Variants in CNTNAP2 observed in about 807,000 individuals in gnomAD.
CNTNAP2 encodes contactin-associated protein-like 2.
Under a neutral mutation model 155.2 loss-of-function variants are expected in CNTNAP2, and 98 were observed. That is an observed-to-expected ratio of 0.63 (90% CI 0.54 to 0.75). CNTNAP2 has a LOEUF of 0.75. Among genes scored for constraint, CNTNAP2 ranks in the 30% least tolerant of loss-of-function variants. The pLI is 0.00. For missense variants in CNTNAP2, 1,727 were observed against 1,688.1 expected (o/e 1.02, Z -0.40); for synonymous variants, 651 against 631.2 (o/e 1.03, Z -0.47).
At chr7:146,770,358 A>G (rs1802273220) in intron 1 of CNTNAP2, among the ~76,000 whole-genome samples, 1 of 151,898 alleles carries the variant, frequency 6.6e-6, no homozygotes, top group South Asian at 2.1e-4. Flanking sequence ...ACATATACAT[A>G]TAATCTGCCT....
At chr7:147,000,688 T>C (rs552878584) in intron 3 of CNTNAP2, among the ~76,000 whole-genome samples, 12 of 152,246 alleles carry the variant, frequency 7.9e-5, no homozygotes, top group Middle Eastern at 3.4e-3. Context: ...ATACAGAGCC[T>C]GCCACAATGC....
rs554024342 is a variant in CNTNAP2, at chr7:147,658,233, G to C, written c.2098+18927G>C. 4.5e-5 allele frequency among the ~76,000 whole-genome samples: 5 copies of C among 111,464 alleles called. 1 individual carries two copies. Among genetic ancestry groups the C allele is most frequent in the Admixed American group, 3.5e-4 (3 of 8,586 alleles). The allele number at this position is 111,464 out of a possible 152,430, so 73.1% of individuals were successfully genotyped here. A position where few individuals can be genotyped will look rare whatever the true frequency, so the allele number is the denominator to read the frequency against. On this transcript the variant is annotated intron_variant, in intron 13 of 23. Transcript: ENST00000361727. ...GATCCCGCCACTGCACTCCAGCCTGGGAGACAGAGCGAGACTCCGTCCCAA... is the reference window on the plus strand; with the variant it reads ...GATCCCGCCACTGCACTCCAGCCTGCGAGACAGAGCGAGACTCCGTCCCAA...
intron 14 of CNTNAP2, among the ~76,000 whole-genome samples, chr7:147,937,080 A>G (rs1158195395): frequency 1.4e-5 from 2 of 145,972 alleles, no homozygotes; most frequent in South Asian, 4.2e-4. Context: ...ATTCCCTTCT[A>G]CCTGATGGTG....
At chr7:148,366,304 A>G (rs538602374) in intron 21 of CNTNAP2, among the ~76,000 whole-genome samples, 1 of 116,740 alleles carries the variant, frequency 8.6e-6, no homozygotes, top group East Asian at 3.5e-4. Flanking sequence ...GTATATATGT[A>G]TGTATGTATA....
At chr7:146,615,525 T>C (rs1433782093) in intron 1 of CNTNAP2, among the ~76,000 whole-genome samples, 2 of 152,168 alleles carry the variant, frequency 1.3e-5, no homozygotes, top group African/African-American at 4.8e-5. Context: ...AATGTAGCAA[T>C]GAAATAATTG....
intron 15 of CNTNAP2, among the ~76,000 whole-genome samples, chr7:148,022,754 G>T (rs951803001): frequency 6.6e-6 from 1 of 151,822 alleles, no homozygotes; most frequent in Non-Finnish European, 1.5e-5. Flanking sequence ...TAATGCTCTC[G>T]TCTCCCTGGC....
At chr7:146,240,556 C>T (rs1799544477) in intron 1 of CNTNAP2, among the ~76,000 whole-genome samples, 1 of 151,134 alleles carries the variant, frequency 6.6e-6, no homozygotes, top group African/African-American at 2.4e-5. Flanking sequence ...ATAATAATGC[C>T]TCACACTTAT....
At chr7:147,205,631 A>G (rs1803008923) in intron 8 of CNTNAP2, among the ~76,000 whole-genome samples, 1 of 152,048 alleles carries the variant, frequency 6.6e-6, no homozygotes, top group African/African-American at 2.4e-5. Context: ...AGGCAGACAG[A>G]AAAAGATAAA....
chr7:148,136,392 G>A lies in CNTNAP2; in HGVS notation c.2555-11099G>A, dbSNP rs185338111. The stretch of plus-strand genomic sequence containing the variant: ...AGATCTGGTTGTTTTAAAGAGCTTG[G>A]CACCTCCTCCTCCTCTCTCTCGCTT... On this transcript the variant is annotated intron_variant, in intron 16 of 23. Transcript: ENST00000361727. Among the ~76,000 whole-genome samples the A allele has an allele frequency of 3.9e-3, 591 of 152,012 alleles. 2 individuals carry two copies. The highest frequency in any genetic ancestry group is 7.1e-3 in the Non-Finnish European group (485 of 67,958).
At chr7:148,101,350 A>AGAGAGTGT (rs1247428489) in intron 15 of CNTNAP2, among the ~76,000 whole-genome samples, 1 of 144,358 alleles carries the variant, frequency 6.9e-6, no homozygotes, top group African/African-American at 2.6e-5. Context: ...TAAAAAGTTC[A>AGAGAGTGT]GTGTGTGTGT....
intron 13 of CNTNAP2, among the ~76,000 whole-genome samples, chr7:147,896,818 CAAG>C (rs1013711640): frequency 2.6e-5 from 4 of 152,142 alleles, no homozygotes; most frequent in Non-Finnish European, 5.9e-5. Flanking sequence ...AGTCACCAGG[CAAG>C]AAGGAGGTCT....
chr7:147,685,778 T>G (rs1796008824), intron 13 of CNTNAP2, among the ~76,000 whole-genome samples: 2 of 151,802 alleles, frequency 1.3e-5, no homozygotes, highest in African/African-American at 4.8e-5. Flanking sequence ...GAGTTTAGGA[T>G]GAGGTTTGGA....
intron 13 of CNTNAP2, among the ~76,000 whole-genome samples, chr7:147,695,311 T>G (rs1796144985): frequency 6.6e-6 from 1 of 152,180 alleles, no homozygotes; most frequent in Non-Finnish European, 1.5e-5. Context: ...GTGCCTTTTG[T>G]GGCTGTTGGA....
intron 13 of CNTNAP2, among the ~76,000 whole-genome samples, chr7:147,848,630 T>C (rs912799205): frequency 1.3e-5 from 2 of 150,928 alleles, no homozygotes; most frequent in Non-Finnish European, 3.0e-5. Context: ...CTCCCTTCAG[T>C]TGCATTTCAA....
intron 21 of CNTNAP2, among the ~76,000 whole-genome samples, chr7:148,355,179 T>TTTC (rs1798491335): frequency 9.4e-6 from 1 of 106,534 alleles, no homozygotes; most frequent in African/African-American, 3.6e-5. Context: ...TTTTTTTTTT[T>TTTC]TTTTTTTTTT....
intron 13 of CNTNAP2, among the ~76,000 whole-genome samples, chr7:147,899,617 G>C (rs1016652020): frequency 1.3e-5 from 2 of 151,980 alleles, no homozygotes; most frequent in African/African-American, 2.4e-5. Context: ...AGACGGGTTG[G>C]CTCCCACCTG....
At chr7:146,744,466 A>C (rs1801776851) in intron 1 of CNTNAP2, among the ~76,000 whole-genome samples, 1 of 152,136 alleles carries the variant, frequency 6.6e-6, no homozygotes, top group Non-Finnish European at 1.5e-5. Flanking sequence ...TGCTTCTTCC[A>C]TTTAATTAGC....
chr7:147,528,349 G>A (rs1186724749), intron 11 of CNTNAP2, among the ~76,000 whole-genome samples: 3 of 152,154 alleles, frequency 2.0e-5, no homozygotes, highest in Non-Finnish European at 4.4e-5. Context: ...CTGTGCGAAG[G>A]CCACATTGGT....
chr7:146,592,646 C>A (rs1471082321), intron 1 of CNTNAP2, among the ~76,000 whole-genome samples: 4 of 152,090 alleles, frequency 2.6e-5, no homozygotes, highest in African/African-American at 9.7e-5. Flanking sequence ...GGAATTCAAC[C>A]TCAAGTTCAA....
Sources: gnomAD v4.1 joint callset for allele counts (sites outside exome capture counted in the v4.1 genomes callset) on GRCh38, gnomAD v4.1.1 for gene constraint, MANE v1.5 for transcripts, NCBI Gene and HGNC (gene_info 2026-07-23, HGNC 2026-07-21) for gene names.